Variants in IGSF11 observed in about 807,000 individuals in gnomAD.
IGSF11 encodes the protein immunoglobulin superfamily member 11, also known as CXADR like 1.
Under a neutral mutation model 41.0 loss-of-function variants are expected in IGSF11, and 22 were observed. That is an observed-to-expected ratio of 0.54 (90% confidence interval 0.38 to 0.77). The LOEUF (loss-of-function observed/expected upper bound fraction) is 0.77. IGSF11 is among the 30% of genes least tolerant of loss of function. IGSF11 has a pLI of 0.00. For missense variants in IGSF11, 444 were observed against 530.8 expected, an observed-to-expected ratio of 0.84 and a Z score of 1.61; for synonymous variants, 219 against 201.3, an observed-to-expected ratio of 1.09 and a Z score of -0.74.
intron 1 of IGSF11, among the ~76,000 whole-genome samples, chr3:119,023,417 G>A (rs1939507757): frequency 6.6e-6 from 1 of 151,964 alleles, no homozygotes; most frequent in African/African-American, 2.4e-5. Flanking sequence ...ATGGGATCAT[G>A]CACTTTTACA....
intron 1 of IGSF11, among the ~76,000 whole-genome samples, chr3:119,032,195 T>C (rs1483684573): frequency 6.6e-6 from 1 of 152,216 alleles, no homozygotes; most frequent in Non-Finnish European, 1.5e-5. Context: ...GCCACTGCTA[T>C]TGGTTATTTA....
At chr3:119,020,907 T>A (rs1392932021) in intron 1 of IGSF11, among the ~76,000 whole-genome samples, 1 of 152,200 alleles carries the variant, frequency 6.6e-6, no homozygotes, top group Non-Finnish European at 1.5e-5. Flanking sequence ...TAATTCCAAC[T>A]GTAGTTATGT....
chr3:119,063,558 T>C (rs1299609441), intron 1 of IGSF11, among the ~76,000 whole-genome samples: 2 of 152,230 alleles, frequency 1.3e-5, no homozygotes, highest in Middle Eastern at 3.2e-3. Context: ...AGTACAATGG[T>C]TACATTTTTT....
intron 1 of IGSF11, among the ~76,000 whole-genome samples, chr3:119,003,526 A>G (rs9754592): frequency 3.3e-5 from 5 of 150,820 alleles, no homozygotes; most frequent in African/African-American, 7.5e-5. Context: ...TAGGAGCGGT[A>G]AGAGAGGGCA....
chr3:118,917,693 T>A (rs1419036538), intron 4 of IGSF11, among the ~76,000 whole-genome samples: 1 of 137,460 alleles, frequency 7.3e-6, no homozygotes, highest in African/African-American at 2.8e-5. Flanking sequence ...GAGGAACTGG[T>A]ACCATTCCTT....
chr3:118,932,914 G>T (rs1394416055), intron 1 of IGSF11, among the ~76,000 whole-genome samples: 1 of 152,146 alleles, frequency 6.6e-6, no homozygotes, highest in Non-Finnish European at 1.5e-5. Flanking sequence ...AACAATCTTT[G>T]ATACAAATTT....
intron 1 of IGSF11, among the ~76,000 whole-genome samples, chr3:118,999,383 A>C (rs1244738921): frequency 1.3e-5 from 2 of 152,192 alleles, no homozygotes; most frequent in African/African-American, 4.8e-5. Context: ...ATGTGGAAAG[A>C]AACTGCTATA....
chr3:118,959,123 C>G (rs1321599639), intron 1 of IGSF11, among the ~76,000 whole-genome samples: 1 of 152,104 alleles, frequency 6.6e-6, no homozygotes, highest in Admixed American at 6.5e-5. Flanking sequence ...TTTAGAGGTG[C>G]CATACGGATT....
chr3:119,046,871 C>T (rs1344287812), intron 1 of IGSF11, among the ~76,000 whole-genome samples: 1 of 147,402 alleles, frequency 6.8e-6, no homozygotes, highest in Non-Finnish European at 1.5e-5. Context: ...AATTTTCAAC[C>T]CAGAATTTCA....
intron 1 of IGSF11, among the ~76,000 whole-genome samples, chr3:119,047,708 C>T (rs1364236222): frequency 1.3e-5 from 2 of 152,028 alleles, no homozygotes; most frequent in African/African-American, 4.8e-5. Context: ...TTTTCAGCAC[C>T]ACACCACACC....
At chr3:118,943,897 T>C (rs1943906110) in intron 1 of IGSF11, among the ~76,000 whole-genome samples, 1 of 152,240 alleles carries the variant, frequency 6.6e-6, no homozygotes, top group Non-Finnish European at 1.5e-5. Context: ...ATTTGTTTAA[T>C]GAAGCATTCA....
intron 1 of IGSF11, among the ~76,000 whole-genome samples, chr3:119,014,014 A>C (rs1051775283): frequency 1.3e-5 from 2 of 152,244 alleles, no homozygotes; most frequent in African/African-American, 4.8e-5. Context: ...ACAAATCTAA[A>C]GGGGATGAAA....
rs149792691 is a variant in IGSF11 at position 119,020,845 on chromosome 3, A to T, written c.52+13686T>A. 9.2e-5 allele frequency among the ~76,000 whole-genome samples: 14 copies of T among 152,334 alleles called. 1 individual carries two copies. The East Asian group carries it at 2.7e-3, about 29-fold the overall frequency. The stretch of plus-strand genomic sequence containing the variant: ...ACACAATCCTGACAGTAAGTATTCC[A>T]CAATTACTTATTTTCTGATTCACAT... On this transcript the variant is annotated intron_variant, in intron 1 of 6. Coordinates refer to ENST00000393775, the MANE Select transcript of IGSF11 (RefSeq NM_001015887.3).
intron 1 of IGSF11, among the ~76,000 whole-genome samples, chr3:119,140,772 A>G (rs1418331211): frequency 6.6e-6 from 1 of 152,118 alleles, no homozygotes; most frequent in African/African-American, 2.4e-5. Context: ...GGCCAGACAC[A>G]GTGGCTCATG....
chr3:119,058,705 C>G (rs1444039445), intron 1 of IGSF11, among the ~76,000 whole-genome samples: 9 of 152,130 alleles, frequency 5.9e-5, no homozygotes, highest in Non-Finnish European at 1.2e-4. Context: ...TTCACAATAG[C>G]AAAGACTTGG....
intron 1 of IGSF11, among the ~76,000 whole-genome samples, chr3:118,989,114 G>A (rs1253042602): frequency 1.3e-5 from 2 of 152,156 alleles, no homozygotes; most frequent in Admixed American, 6.5e-5. Flanking sequence ...GATTTTGAGA[G>A]GAGGGAACAA....
At chr3:118,974,720 T>C (rs1277245449) in intron 1 of IGSF11, among the ~76,000 whole-genome samples, 1 of 152,166 alleles carries the variant, frequency 6.6e-6, no homozygotes, top group Non-Finnish European at 1.5e-5. Flanking sequence ...CCAAACTTCT[T>C]AGCGTTGAAA....
intron 1 of IGSF11, among the ~76,000 whole-genome samples, chr3:119,120,547 G>A (rs560265080): frequency 6.6e-6 from 1 of 152,342 alleles, no homozygotes; most frequent in African/African-American, 2.4e-5. Context: ...GCAATCAATT[G>A]TGTACAGAGG....
rs149432215 is a variant in IGSF11 at position 119,028,614 on chromosome 3, T to C, written c.52+5917A>G. ...TCCTTAGGAAAAAATATTTCAAATA[T>C]TTAGGATTAAACATAAGCTAAAAAT... is the stretch of plus-strand genomic sequence containing the variant. On this transcript the variant is annotated intron_variant, in intron 1 of 6. Coordinates refer to ENST00000393775, the MANE Select transcript of IGSF11 (RefSeq NM_001015887.3). Among the ~76,000 whole-genome samples the C allele has an allele frequency of 7.7e-3, 1,177 of 152,238 alleles. 24 individuals are homozygous for C. The highest frequency in any genetic ancestry group is 0.027 in the African/African-American group (1,105 of 41,546).
Sources: allele counts gnomAD v4.1 joint callset (sites outside exome capture counted in the v4.1 genomes callset), GRCh38; gene constraint gnomAD v4.1.1; transcripts MANE v1.5; gene names NCBI Gene and HGNC (gene_info 2026-07-23, HGNC 2026-07-21).